Variants in CEP128 observed in about 807,000 individuals in gnomAD.
CEP128 encodes the protein centrosomal protein 128, also known as centrosomal protein 128kDa.
In CEP128, 132 loss-of-function variants were observed where a neutral mutation model predicts 156.7. The ratio of observed to expected loss-of-function variants is 0.84; its 90% CI spans 0.73 to 0.97. CEP128 has a LOEUF of 0.97. Ranked by LOEUF, CEP128 falls within the 50% of genes least tolerant of loss-of-function variation. CEP128 has a pLI of 0.00. For missense variants in CEP128, 1,252 were observed against 1,281.9 expected (o/e 0.98, Z 0.36); for synonymous variants, 469 against 448.9 (o/e 1.04, Z -0.57).
At chr14:80,895,588 A>AAC in intron 8 of CEP128, 130 bp downstream of exon 8, 1 of 528,612 alleles carries the variant, frequency 1.9e-6, no homozygotes, top group Non-Finnish European at 3.3e-6. Context: ...GAGCTACAAG[A>AAC]ACACACTTTT....
intron 19 of CEP128, among the ~76,000 whole-genome samples, chr14:80,645,690 C>T (rs1894603800): frequency 6.6e-6 from 1 of 152,052 alleles, no homozygotes; most frequent in Non-Finnish European, 1.5e-5. Flanking sequence ...CATATTTTTA[C>T]CATACAATCC....
At chr14:80,615,747 G>C (rs755998039) in intron 19 of CEP128, among the ~76,000 whole-genome samples, 2 of 152,164 alleles carry the variant, frequency 1.3e-5, no homozygotes, top group African/African-American at 4.8e-5. Flanking sequence ...TACTCGGGAG[G>C]CTGAGACAGG....
chr14:80,691,323 T>C (rs1218435940), intron 19 of CEP128, among the ~76,000 whole-genome samples: 1 of 152,232 alleles, frequency 6.6e-6, no homozygotes, highest in Non-Finnish European at 1.5e-5. Context: ...AGAATAATGA[T>C]GTGGTGATGG....
intron 16 of CEP128, among the ~76,000 whole-genome samples, chr14:80,764,107 TAAG>T: frequency 6.6e-6 from 1 of 152,234 alleles, no homozygotes. Flanking sequence ...CTCTTATTAA[TAAG>T]AAGACAAAAC....
intron 20 of CEP128, among the ~76,000 whole-genome samples, chr14:80,570,358 C>T (rs576143210): frequency 1.3e-5 from 2 of 152,208 alleles, no homozygotes; most frequent in South Asian, 2.1e-4. Flanking sequence ...CCTGGGGATC[C>T]GCCCACCTCG....
intron 23 of CEP128, among the ~76,000 whole-genome samples, chr14:80,506,122 G>A (rs965896461): frequency 4.6e-5 from 7 of 152,102 alleles, no homozygotes; most frequent in East Asian, 3.9e-4. Flanking sequence ...TCAGCCAGGC[G>A]AAAATGTATT....
intron 19 of CEP128, among the ~76,000 whole-genome samples, chr14:80,700,818 G>A (rs1016082803): frequency 6.6e-6 from 1 of 152,100 alleles, no homozygotes; most frequent in Non-Finnish European, 1.5e-5. Flanking sequence ...ACCAACTTCA[G>A]AAAATAATAT....
rs34190837 is a variant in CEP128 at position 80,619,367 on chromosome 14, G to GACACACACACACACACACACAC, written c.2807-38966_2807-38945dup. 1.1e-3 allele frequency among the ~76,000 whole-genome samples: 158 copies of GACACACACACACACACACACAC among 139,462 alleles called. 2 individuals are homozygous for GACACACACACACACACACACAC. The highest frequency in any genetic ancestry group is 1.9e-3 in the South Asian group (8 of 4,278). The allele number at this position is 139,462 out of a possible 152,430, so 91.5% of individuals were successfully genotyped here. A position where few individuals can be genotyped will look rare whatever the true frequency, so the allele number is the denominator to read the frequency against. On this transcript the variant is annotated intron_variant, in intron 19 of 24. Transcript: ENST00000555265. ...GTTTTAAATGATTTAAAGACACACAGACACACACACACACACACACACACA... is the reference window on the plus strand; with the variant it reads ...GTTTTAAATGATTTAAAGACACACAGACACACACACACACACACACACACACACACACACACACACACACACA...
chr14:80,512,049 C>T (rs1234220504), intron 23 of CEP128, among the ~76,000 whole-genome samples: 1 of 152,004 alleles, frequency 6.6e-6, no homozygotes, highest in Non-Finnish European at 1.5e-5. Context: ...TCTTCTGCAA[C>T]CACTGGATGA....
chr14:80,685,385 C>G (rs1212642481), intron 19 of CEP128, among the ~76,000 whole-genome samples: 5 of 151,660 alleles, frequency 3.3e-5, no homozygotes, highest in Non-Finnish European at 7.4e-5. Context: ...TAAATCTAAC[C>G]GAAGAAGTAA....
At chr14:80,596,041 C>G (rs886410165) in intron 19 of CEP128, among the ~76,000 whole-genome samples, 4 of 130,250 alleles carry the variant, frequency 3.1e-5, no homozygotes, top group African/African-American at 1.2e-4. Context: ...AGAGCCAAAC[C>G]ATATCAGCAG....
intron 15 of CEP128, among the ~76,000 whole-genome samples, chr14:80,784,277 G>A (rs538451920): frequency 1.3e-3 from 155 of 120,328 alleles, no homozygotes; most frequent in Admixed American, 4.2e-3. Flanking sequence ...TATGACACGT[G>A]TTATGAAAAA....
rs201692060 is a variant in CEP128 at position 80,761,421 on chromosome 14, G to A, written c.2553+16C>T. 7.1e-5 allele frequency: 111 copies of A among 1,553,862 alleles called. No individual in the cohort carries two copies. The highest frequency in any genetic ancestry group is 9.0e-5 in the Non-Finnish European group (102 of 1,137,572). On this transcript the variant is annotated intron_variant, in intron 17 of 24. Coordinates refer to ENST00000555265, the MANE Select transcript of CEP128 (RefSeq NM_152446.5). ...ACTAACTGAAAATATAAGGTGCAAT[G>A]AGAATTCATAATTACTTTTAATTTC... is the stretch of plus-strand genomic sequence containing the variant.
chr14:80,702,178 C>A (rs1349528181), intron 19 of CEP128, among the ~76,000 whole-genome samples: 2 of 152,090 alleles, frequency 1.3e-5, no homozygotes, highest in African/African-American at 4.8e-5. Flanking sequence ...AACACAGCTA[C>A]AGGGATTTTT....
Position 80,583,314 on chromosome 14 carries a change from C to G in CEP128, c.2807-2891G>C, listed in dbSNP as rs544361839. Among the ~76,000 whole-genome samples, 12 of 152,002 alleles carry G rather than the reference C, an allele frequency of 7.9e-5. No homozygotes were observed. The South Asian group carries it at 2.5e-3, about 32-fold the overall frequency. On this transcript the variant is annotated intron_variant, in intron 19 of 24. Coordinates refer to ENST00000555265, the MANE Select transcript of CEP128 (RefSeq NM_152446.5). ...CTTGTATAAAGGGTATAAGCAGACA[C>G]CTGTTTTGGTTTTTATTTTTTTTTT...
At chr14:80,923,263 T>A (rs1409046119) in intron 2 of CEP128, among the ~76,000 whole-genome samples, 1 of 152,192 alleles carries the variant, frequency 6.6e-6, no homozygotes, top group African/African-American at 2.4e-5. Context: ...TGAGGATCTA[T>A]CCATCTGAAA....
chr14:80,599,119 T>TA (rs1892468218), intron 19 of CEP128, among the ~76,000 whole-genome samples: 2 of 152,182 alleles, frequency 1.3e-5, no homozygotes, highest in Admixed American at 1.3e-4. Context: ...AAGTTTAATT[T>TA]AAAAATTCAG....
At chr14:80,919,407 G>GTA (rs1248557042) in intron 2 of CEP128, among the ~76,000 whole-genome samples, 1 of 152,072 alleles carries the variant, frequency 6.6e-6, no homozygotes, top group Non-Finnish European at 1.5e-5. Flanking sequence ...TCTGACATAT[G>GTA]TACCTTTGAG....
chr14:80,900,168 C>T (rs1008535752), intron 6 of CEP128, 139 bp from the exon 7 acceptor site: 1 of 548,694 alleles, frequency 1.8e-6, no homozygotes, highest in South Asian at 3.3e-5. Context: ...AAAACACCTA[C>T]TCTGAAAGAA....
Sources: gnomAD v4.1 joint callset for allele counts (sites outside exome capture counted in the v4.1 genomes callset) on GRCh38, gnomAD v4.1.1 for gene constraint, MANE v1.5 for transcripts, NCBI Gene and HGNC (gene_info 2026-07-23, HGNC 2026-07-21) for gene names.